The following DGKI variants were observed in gnomAD, a reference collection of about 807,000 sequenced individuals.
DGKI encodes DAG kinase iota.
Under a neutral mutation model 147.5 loss-of-function variants are expected in DGKI, and 55 were observed. The observed-to-expected ratio is 0.37, with a 90% CI of 0.30 to 0.47. The LOEUF is 0.47. Ranked by LOEUF, DGKI falls within the 20% of genes least tolerant of loss-of-function variation. The pLI is 1.00. For synonymous variants in DGKI, 469 were observed against 477.1 expected, an observed-to-expected ratio of 0.98 and a Z score of 0.22; for missense variants, 1,007 against 1,323.8, an observed-to-expected ratio of 0.76 and a Z score of 3.71.
intron 21 of DGKI, among the ~76,000 whole-genome samples, chr7:137,492,468 C>T (rs1259574733): frequency 2.0e-5 from 3 of 152,176 alleles, no homozygotes; most frequent in Admixed American, 2.0e-4. Context: ...GGCTACCATT[C>T]ATCAGTTCCT....
At chr7:137,828,861 G>A (rs1585542887) in intron 1 of DGKI, among the ~76,000 whole-genome samples, 1 of 152,086 alleles carries the variant, frequency 6.6e-6, no homozygotes, top group African/African-American at 2.4e-5. Flanking sequence ...TTAACATGAT[G>A]GGAACTGATG....
chr7:137,808,326 CA>C (rs1385327930), intron 1 of DGKI, among the ~76,000 whole-genome samples: 1 of 152,012 alleles, frequency 6.6e-6, no homozygotes, highest in Non-Finnish European at 1.5e-5. Context: ...ATATTTATTT[CA>C]AAAAAATGGT....
chr7:137,688,436 C>A (rs1316664072), intron 2 of DGKI, among the ~76,000 whole-genome samples: 1 of 152,204 alleles, frequency 6.6e-6, no homozygotes, highest in East Asian at 1.9e-4. Context: ...CCATGATTAT[C>A]CCCATCTACA....
chr7:137,552,797 C>T (rs568298470), intron 19 of DGKI, among the ~76,000 whole-genome samples: 1 of 151,586 alleles, frequency 6.6e-6, no homozygotes, highest in Non-Finnish European at 1.5e-5. Flanking sequence ...CACCTGTAGT[C>T]CCAGCTACTT....
intron 27 of DGKI, among the ~76,000 whole-genome samples, chr7:137,454,390 C>T (rs1268466626): frequency 6.6e-6 from 1 of 152,066 alleles, no homozygotes; most frequent in African/African-American, 2.4e-5. Flanking sequence ...TTACTGCCAC[C>T]TACTGTTAAC....
chr7:137,491,499 G>C lies in DGKI; in HGVS notation c.2249-3810C>G, dbSNP rs1045181913. Among the ~76,000 whole-genome samples the C allele has an allele frequency of 5.3e-5, 8 of 152,236 alleles. 1 individual carries two copies. Among genetic ancestry groups the C allele is most frequent in the African/African-American group, 1.9e-4 (8 of 41,520 alleles). On this transcript the variant is annotated intron_variant, in intron 21 of 32. Coordinates refer to ENST00000614521, the MANE Select transcript of DGKI (RefSeq NM_001321708.2). ...GCTCAAGGCAAGAACATAAAGACCT[G>C]CATTCCATATTTCTAGATATTTATA...
intron 19 of DGKI, among the ~76,000 whole-genome samples, chr7:137,563,228 A>G (rs1048185486): frequency 6.6e-6 from 1 of 152,038 alleles, no homozygotes; most frequent in Admixed American, 6.5e-5. Context: ...AAAAGCTCTC[A>G]GGAAAGTAGG....
intron 19 of DGKI, among the ~76,000 whole-genome samples, chr7:137,557,299 CA>C (rs143863855): frequency 0.034 from 5,186 of 152,146 alleles, 150 homozygotes; most frequent in African/African-American, 0.075. Context: ...TTGGAAAGAA[CA>C]GGGGCAATGG....
intron 19 of DGKI, among the ~76,000 whole-genome samples, chr7:137,555,850 T>C (rs1477639554): frequency 1.3e-5 from 2 of 152,134 alleles, no homozygotes; most frequent in Admixed American, 6.5e-5. Context: ...GTCTATTTAG[T>C]ACAAGATGCT....
intron 3 of DGKI, among the ~76,000 whole-genome samples, chr7:137,661,113 T>C (rs1049263924): frequency 6.6e-6 from 1 of 152,182 alleles, no homozygotes; most frequent in African/African-American, 2.4e-5. Context: ...TGGGGCCAAC[T>C]GCACTGCCTG....
At chr7:137,559,052 A>G (rs1271873064) in intron 19 of DGKI, among the ~76,000 whole-genome samples, 5 of 146,082 alleles carry the variant, frequency 3.4e-5, no homozygotes, top group African/African-American at 1.3e-4. Flanking sequence ...TCTAGGTTGT[A>G]CCTACAATTC....
intron 1 of DGKI, chr7:137,722,424 C>G: frequency 1.2e-6 from 2 of 1,611,468 alleles, no homozygotes; most frequent in East Asian, 2.2e-5. Context: ...GCATTACCCC[C>G]GGGACCATTC....
chr7:137,450,885 T>C (rs1813926788), intron 27 of DGKI, among the ~76,000 whole-genome samples: 1 of 151,958 alleles, frequency 6.6e-6, no homozygotes, highest in Non-Finnish European at 1.5e-5. Flanking sequence ...TAACCCTGCT[T>C]ATGAGAATAT....
intron 19 of DGKI, among the ~76,000 whole-genome samples, chr7:137,560,192 G>A (rs1201050928): frequency 6.6e-6 from 1 of 152,040 alleles, no homozygotes; most frequent in Non-Finnish European, 1.5e-5. Context: ...ATTGCTGAGT[G>A]AACTTAAGAG....
At chr7:137,606,784 CA>C (rs1175666750) in intron 10 of DGKI, among the ~76,000 whole-genome samples, 3 of 152,200 alleles carry the variant, frequency 2.0e-5, no homozygotes, top group Admixed American at 1.3e-4. Flanking sequence ...TCTTTAATCA[CA>C]TTTCCAATAA....
intron 1 of DGKI, chr7:137,722,313 T>C (rs1794587032): frequency 6.2e-7 from 1 of 1,612,672 alleles, no homozygotes; most frequent in Non-Finnish European, 8.5e-7. Context: ...TGGTTAAACT[T>C]CGCAAAATGC....
chr7:137,656,873 A>C (rs1415668952), intron 3 of DGKI, among the ~76,000 whole-genome samples: 1 of 152,226 alleles, frequency 6.6e-6, no homozygotes, highest in African/African-American at 2.4e-5. Flanking sequence ...TCAGAACCTT[A>C]CAATATAGGC....
At chr7:137,658,326 T>C (rs1281206946) in intron 3 of DGKI, among the ~76,000 whole-genome samples, 1 of 152,184 alleles carries the variant, frequency 6.6e-6, no homozygotes, top group Non-Finnish European at 1.5e-5. Flanking sequence ...CTGTTTCCTA[T>C]GGATATCCTG....
At chr7:137,525,709 T>C (rs778339633) in intron 20 of DGKI, among the ~76,000 whole-genome samples, 4 of 152,186 alleles carry the variant, frequency 2.6e-5, no homozygotes, top group Non-Finnish European at 4.4e-5. Context: ...GCCTGGCACA[T>C]TGTCAGTGCT....
Sources: allele counts gnomAD v4.1 joint callset (sites outside exome capture counted in the v4.1 genomes callset), GRCh38; gene constraint gnomAD v4.1.1; transcripts MANE v1.5; gene names NCBI Gene and HGNC (gene_info 2026-07-23, HGNC 2026-07-21).